Variants in SORCS1 observed in about 807,000 individuals in gnomAD.
SORCS1 encodes VPS10 domain-containing receptor SorCS1.
A neutral mutation model predicts 146.1 loss-of-function variants in SORCS1; 60 were observed. The observed-to-expected ratio is 0.41, with a 90% CI of 0.33 to 0.51. SORCS1 has a LOEUF of 0.51. Among genes scored for constraint, SORCS1 ranks in the 20% least tolerant of loss-of-function variants. SORCS1 has a pLI of 0.21. For missense variants in SORCS1, 1,352 were observed against 1,487.6 expected, an observed-to-expected ratio of 0.91 and a Z score of 1.50; for synonymous variants, 637 against 584.0, an observed-to-expected ratio of 1.09 and a Z score of -1.31.
At chr10:106,689,699 T>G (rs777030566) in intron 9 of SORCS1, among the ~76,000 whole-genome samples, 1 of 152,162 alleles carries the variant, frequency 6.6e-6, no homozygotes, top group Non-Finnish European at 1.5e-5. Context: ...TTTACCCCAA[T>G]TCTACAGATA....
intron 1 of SORCS1, among the ~76,000 whole-genome samples, chr10:107,034,271 A>AAGT (rs1958792053): frequency 6.6e-6 from 1 of 152,174 alleles, no homozygotes; most frequent in Non-Finnish European, 1.5e-5. Flanking sequence ...GCCATGCTCC[A>AAGT]AGTATCAGAA....
intron 2 of SORCS1, among the ~76,000 whole-genome samples, chr10:106,948,062 C>G (rs1289839167): frequency 6.6e-6 from 1 of 151,998 alleles, no homozygotes; most frequent in Admixed American, 6.5e-5. Flanking sequence ...GATAGACACC[C>G]AAGAGTCATT....
intron 2 of SORCS1, among the ~76,000 whole-genome samples, chr10:106,954,219 A>G (rs1399578642): frequency 1.3e-5 from 2 of 152,200 alleles, no homozygotes; most frequent in African/African-American, 4.8e-5. Context: ...ACAAAACTGC[A>G]TTATCTATTA....
chr10:106,728,974 C>T (rs951488322), intron 6 of SORCS1, among the ~76,000 whole-genome samples: 3 of 152,124 alleles, frequency 2.0e-5, no homozygotes, highest in African/African-American at 7.2e-5. Context: ...TACAGTTTCC[C>T]CCTTTTCTCA....
At chr10:106,827,729 A>G (rs999631008) in intron 3 of SORCS1, among the ~76,000 whole-genome samples, 1 of 152,250 alleles carries the variant, frequency 6.6e-6, no homozygotes, top group Non-Finnish European at 1.5e-5. Context: ...TTGATGAAGT[A>G]GCCAGCCAAT....
At chr10:107,140,736 T>A (rs897071749) in intron 1 of SORCS1, among the ~76,000 whole-genome samples, 1 of 152,208 alleles carries the variant, frequency 6.6e-6, no homozygotes, top group Non-Finnish European at 1.5e-5. Flanking sequence ...TCATTCGATA[T>A]CCCAACATAT....
chr10:106,852,651 A>G (rs1949637280), intron 2 of SORCS1, among the ~76,000 whole-genome samples: 1 of 151,308 alleles, frequency 6.6e-6, no homozygotes, highest in South Asian at 2.1e-4. Context: ...AAAAAAAGAA[A>G]GAAAAGAAAA....
intron 1 of SORCS1, among the ~76,000 whole-genome samples, chr10:107,144,002 C>T (rs1171388428): frequency 6.6e-6 from 1 of 152,028 alleles, no homozygotes; most frequent in Non-Finnish European, 1.5e-5. Context: ...GCCTCATCTC[C>T]CATCCCATCT....
chr10:107,044,017 T>C lies in SORCS1; in HGVS notation c.559-87437A>G, dbSNP rs140617203. ...CTTTCCTTGCTGGTGTTCCCATTCT[T>C]GTTCACACGAACAACAGGTTGCCTA... On this transcript the variant is annotated intron_variant, in intron 1 of 25. Coordinates refer to ENST00000263054, the MANE Select transcript of SORCS1 (RefSeq NM_052918.5). Among the ~76,000 whole-genome samples, 619 of 152,338 alleles carry C rather than the reference T, an allele frequency of 4.1e-3. 4 individuals are homozygous for C. The highest frequency in any genetic ancestry group is 0.014 in the African/African-American group (571 of 41,574).
chr10:106,917,981 T>C (rs893350683), intron 2 of SORCS1, among the ~76,000 whole-genome samples: 2 of 152,176 alleles, frequency 1.3e-5, no homozygotes, highest in African/African-American at 4.8e-5. Context: ...TGAACATCCT[T>C]GGAACAGTAC....
At chr10:106,731,084 C>A (rs1178282401) in intron 5 of SORCS1, among the ~76,000 whole-genome samples, 2 of 151,310 alleles carry the variant, frequency 1.3e-5, no homozygotes, top group African/African-American at 4.9e-5. Flanking sequence ...CTGAGGTGGG[C>A]GGATCACAAG....
At chr10:106,906,125 T>C (rs1951899851) in intron 2 of SORCS1, among the ~76,000 whole-genome samples, 1 of 152,144 alleles carries the variant, frequency 6.6e-6, no homozygotes, top group Non-Finnish European at 1.5e-5. Context: ...TTTTTGTTTG[T>C]TTATTTGTTT....
intron 23 of SORCS1, among the ~76,000 whole-genome samples, chr10:106,601,749 G>A (rs1286640413): frequency 3.3e-5 from 5 of 152,104 alleles, no homozygotes; most frequent in African/African-American, 7.2e-5. Context: ...CTGGTGGAGC[G>A]GCCATCACAA....
At chr10:106,988,682 A>C (rs531452217) in intron 1 of SORCS1, among the ~76,000 whole-genome samples, 3 of 152,196 alleles carry the variant, frequency 2.0e-5, no homozygotes, top group Admixed American at 6.5e-5. Flanking sequence ...AAAATGCATT[A>C]ATATTTAACA....
chr10:106,658,436 G>A (rs930155496), intron 17 of SORCS1, among the ~76,000 whole-genome samples: 1 of 152,042 alleles, frequency 6.6e-6, no homozygotes. Flanking sequence ...TGTACCCCAG[G>A]GGGTGTTACT....
chr10:106,976,332 T>TGTTTTTTTTTTG (rs1956007395), intron 1 of SORCS1, among the ~76,000 whole-genome samples: 3 of 109,550 alleles, frequency 2.7e-5, no homozygotes. Flanking sequence ...TAGGTTTTTT[T>TGTTTTTTTTTTG]GTTTTTTTTT....
At chr10:106,661,223 T>C (rs1039264109) in intron 17 of SORCS1, among the ~76,000 whole-genome samples, 11 of 152,172 alleles carry the variant, frequency 7.2e-5, no homozygotes, top group South Asian at 6.2e-4. Flanking sequence ...ATTTCGGCAC[T>C]AACATGAAAT....
intron 2 of SORCS1, among the ~76,000 whole-genome samples, chr10:106,922,836 G>A (rs1889962): frequency 0.52 from 78,954 of 150,848 alleles, 22,218 homozygotes; most frequent in Non-Finnish European, 0.63. Context: ...AGTCCTCTGT[G>A]TTTGATCTAT....
Position 106,638,215 on chromosome 10 carries a change from G to A in SORCS1, c.2476-8827C>T, listed in dbSNP as rs368895277. ...TGCCAAATGACATAAATCTTAAAATGTTTTTGAGTGACTTTTGGAATTCAC... is the reference window on the plus strand; with the variant it reads ...TGCCAAATGACATAAATCTTAAAATATTTTTGAGTGACTTTTGGAATTCAC... On this transcript the variant is annotated intron_variant, in intron 18 of 25. Coordinates refer to ENST00000263054, the MANE Select transcript of SORCS1 (RefSeq NM_052918.5). 7.2e-5 allele frequency among the ~76,000 whole-genome samples: 11 copies of A among 152,242 alleles called. No homozygotes were observed. In the South Asian group the frequency reaches 2.3e-3, roughly 32 times the overall value.
Sources: gnomAD v4.1 joint callset for allele counts (sites outside exome capture counted in the v4.1 genomes callset) on GRCh38, gnomAD v4.1.1 for gene constraint, MANE v1.5 for transcripts, NCBI Gene and HGNC (gene_info 2026-07-23, HGNC 2026-07-21) for gene names.